ADAMTS12: variants seen among roughly 807,000 people sequenced by gnomAD.
ADAMTS12 encodes A disintegrin and metalloproteinase with thrombospondin motifs 12.
Under a neutral mutation model 167.8 loss-of-function variants are expected in ADAMTS12, and 118 were observed. That is an observed-to-expected ratio of 0.70 (90% CI 0.61 to 0.82). The LOEUF is 0.82. Ranked by LOEUF, ADAMTS12 falls within the 40% of genes least tolerant of loss-of-function variation. The pLI, the probability that ADAMTS12 is intolerant of heterozygous loss-of-function variation, is 0.00. For missense variants in ADAMTS12, 1,916 were observed against 1,998.8 expected (o/e 0.96, Z 0.79); for synonymous variants, 704 against 716.9 (o/e 0.98, Z 0.29).
At chr5:33,812,719 G>A (rs1203330854) in intron 2 of ADAMTS12, among the ~76,000 whole-genome samples, 7 of 152,104 alleles carry the variant, frequency 4.6e-5, no homozygotes, top group South Asian at 2.1e-4. Flanking sequence ...ATTTTCCATT[G>A]TTGTGCATTA....
At chr5:33,796,389 C>G (rs992990103) in intron 2 of ADAMTS12, among the ~76,000 whole-genome samples, 2 of 152,218 alleles carry the variant, frequency 1.3e-5, no homozygotes, top group African/African-American at 4.8e-5. Context: ...CACAGTATGA[C>G]ACCATTTTTA....
chr5:33,770,855 C>T (rs1047708919), intron 2 of ADAMTS12, among the ~76,000 whole-genome samples: 2 of 151,522 alleles, frequency 1.3e-5, no homozygotes, highest in Non-Finnish European at 2.9e-5. Flanking sequence ...CCTCCTCTTC[C>T]TCCTCCTCCT....
intron 2 of ADAMTS12, among the ~76,000 whole-genome samples, chr5:33,834,089 G>A (rs138596434): frequency 2.6e-5 from 4 of 152,254 alleles, no homozygotes; most frequent in African/African-American, 9.6e-5. Flanking sequence ...TTGTCCCTCT[G>A]TCTCAAATCA....
intron 1 of ADAMTS12, among the ~76,000 whole-genome samples, chr5:33,884,254 C>T (rs1750561985): frequency 6.6e-6 from 1 of 152,152 alleles, no homozygotes; most frequent in Non-Finnish European, 1.5e-5. Context: ...ACTGAAACCA[C>T]GTCACCCCTG....
At chr5:33,794,302 C>T (rs997011279) in intron 2 of ADAMTS12, among the ~76,000 whole-genome samples, 2 of 152,138 alleles carry the variant, frequency 1.3e-5, no homozygotes, top group African/African-American at 2.4e-5. Flanking sequence ...AGGAGAAGTC[C>T]GCTTCCTTCA....
intron 2 of ADAMTS12, among the ~76,000 whole-genome samples, chr5:33,804,179 G>A (rs1447030611): frequency 1.3e-5 from 2 of 152,164 alleles, no homozygotes; most frequent in Non-Finnish European, 2.9e-5. Context: ...TCATTCACAG[G>A]CCACAGTAGA....
chr5:33,697,619 C>CCA (rs1742831607), intron 3 of ADAMTS12, among the ~76,000 whole-genome samples: 1 of 152,110 alleles, frequency 6.6e-6, no homozygotes, highest in Non-Finnish European at 1.5e-5. Flanking sequence ...AGACACAATA[C>CCA]CACAATACCA....
chr5:33,716,526 C>T (rs1743621935), intron 3 of ADAMTS12, among the ~76,000 whole-genome samples: 1 of 152,004 alleles, frequency 6.6e-6, no homozygotes, highest in South Asian at 2.1e-4. Context: ...GTTTCCCTCG[C>T]TTATTATATA....
chr5:33,762,056 G>A (rs946339430), intron 2 of ADAMTS12, among the ~76,000 whole-genome samples: 15 of 152,088 alleles, frequency 9.9e-5, no homozygotes, highest in African/African-American at 2.4e-4. Flanking sequence ...GTCAGGTGTC[G>A]TGGCATGCGC....
intron 2 of ADAMTS12, among the ~76,000 whole-genome samples, chr5:33,788,373 C>T (rs1406495815): frequency 1.3e-5 from 2 of 150,804 alleles, no homozygotes; most frequent in East Asian, 1.9e-4. Context: ...GAATCATAGG[C>T]AAATGTACCA....
At chr5:33,679,886 G>A (rs534477164) in intron 5 of ADAMTS12, among the ~76,000 whole-genome samples, 2 of 152,290 alleles carry the variant, frequency 1.3e-5, no homozygotes, top group Non-Finnish European at 2.9e-5. Context: ...GCTGAACTCA[G>A]GTCAACTTGC....
chr5:33,675,547 T>C (rs1179581533), intron 5 of ADAMTS12, among the ~76,000 whole-genome samples: 1 of 152,214 alleles, frequency 6.6e-6, no homozygotes, highest in Non-Finnish European at 1.5e-5. Flanking sequence ...CCTATTCCTA[T>C]TTAAAGTTCC....
At chr5:33,827,225 C>G (rs991698238) in intron 2 of ADAMTS12, among the ~76,000 whole-genome samples, 1 of 69,548 alleles carries the variant, frequency 1.4e-5, no homozygotes, top group African/African-American at 4.3e-5. Context: ...TGATGGGAAA[C>G]AGAAGAGGAT....
At chr5:33,565,674 GTTTTT>G (rs4049324) in intron 19 of ADAMTS12, among the ~76,000 whole-genome samples, 1 of 126,308 alleles carries the variant, frequency 7.9e-6, no homozygotes, top group Non-Finnish European at 1.7e-5. Flanking sequence ...TTTTTTGTTT[GTTTTT>G]TTTTTTTTTT....
chr5:33,604,549 C>T (rs1738344131), intron 16 of ADAMTS12, among the ~76,000 whole-genome samples: 1 of 150,230 alleles, frequency 6.7e-6, no homozygotes, highest in Non-Finnish European at 1.5e-5. Flanking sequence ...CAACCCCCCA[C>T]CACCCCCCTA....
chr5:33,891,700 T>C, intron 1 of ADAMTS12, 30 bp downstream of exon 1: 1 of 1,613,264 alleles, frequency 6.2e-7, no homozygotes, highest in South Asian at 1.1e-5. Flanking sequence ...CCACCACTGT[T>C]TTAAAAAGAA....
intron 5 of ADAMTS12, among the ~76,000 whole-genome samples, chr5:33,667,965 A>G (rs4476726): frequency 0.31 from 47,104 of 152,080 alleles, 7,923 homozygotes; most frequent in South Asian, 0.46. Context: ...ATATCTTTCT[A>G]TCCTAGCATT....
chr5:33,823,220 C>A (rs1561291266), intron 2 of ADAMTS12, among the ~76,000 whole-genome samples: 2 of 152,174 alleles, frequency 1.3e-5, no homozygotes, highest in African/African-American at 4.8e-5. Flanking sequence ...GAGCTTTTCT[C>A]CCTGGGTGGC....
chr5:33,625,806 G>A (rs1030948921), intron 13 of ADAMTS12, among the ~76,000 whole-genome samples: 6 of 152,128 alleles, frequency 3.9e-5, no homozygotes, highest in African/African-American at 1.2e-4. Flanking sequence ...CCTGTGAGCT[G>A]CATGCAGTAC....
Sources: gnomAD v4.1 joint callset for allele counts (sites outside exome capture counted in the v4.1 genomes callset) on GRCh38, gnomAD v4.1.1 for gene constraint, MANE v1.5 for transcripts, NCBI Gene and HGNC (gene_info 2026-07-23, HGNC 2026-07-21) for gene names.